The following MACO1 variants were observed in gnomAD, a reference collection of about 807,000 sequenced individuals.
The protein encoded by MACO1 is macoilin 1.
MACO1 carries 14 observed loss-of-function variants against 78.7 expected under a neutral mutation model. The observed-to-expected ratio is 0.18, with a 90% confidence interval of 0.12 to 0.28. MACO1 has a LOEUF of 0.28. Among genes scored for constraint, MACO1 ranks in the 10% least tolerant of loss-of-function variants. The pLI is 1.00. For missense variants in MACO1, 501 were observed against 799.0 expected (o/e 0.63, Z 4.50); for synonymous variants, 288 against 291.6 (o/e 0.99, Z 0.12).
intron 1 of MACO1, among the ~76,000 whole-genome samples, chr1:25,431,999 G>A (rs2042878558): frequency 1.3e-5 from 2 of 151,842 alleles, no homozygotes; most frequent in South Asian, 4.2e-4. Flanking sequence ...AAGACAACAG[G>A]TTCATGGGGC....
In MACO1 at chr1:25,485,501, C is replaced by A; in HGVS notation, c.1314-112C>A. The A allele has an allele frequency of 9.2e-7, 1 of 1,082,784 alleles. No homozygotes were observed. The highest frequency in any genetic ancestry group is 1.3e-6 in the Non-Finnish European group (1 of 763,298). 67.1% of individuals were successfully genotyped at this position (1,082,784 alleles called of 1,614,324 possible). A position where few individuals can be genotyped will look rare whatever the true frequency, so the allele number is the denominator to read the frequency against. On this transcript the variant is annotated intron_variant, in intron 7 of 10. Transcript: ENST00000374343. This position sits in a 1 kb window ranked among gnomAD's most constrained non-coding sequence, Gnocchi z 4.3. Reference sequence around the variant, plus strand: ...TCTGGGCATTGACATTTTTGATTTGCTGTTCAAACCTCCTGTTTAATTGGC... The same window carrying A: ...TCTGGGCATTGACATTTTTGATTTGATGTTCAAACCTCCTGTTTAATTGGC...
In MACO1 at chr1:25,434,229, T is replaced by C. The variant is rs571189079; in HGVS notation, c.80+3051T>C. 2.3e-3 allele frequency among the ~76,000 whole-genome samples: 348 copies of C among 152,260 alleles called. 1 individual carries two copies. The highest frequency in any genetic ancestry group is 8.0e-3 in the African/African-American group (334 of 41,540). On this transcript the variant is annotated intron_variant, in intron 1 of 10. Coordinates refer to ENST00000374343, the MANE Select transcript of MACO1 (RefSeq NM_018202.6). ...TTTTAGTCCAGTTAATAATTAAAAA[T>C]AGGAGAAAGGAAATAGGAATAGTGA... is the stretch of plus-strand genomic sequence containing the variant.
chr1:25,432,884 CA>C (rs2042888125), intron 1 of MACO1, among the ~76,000 whole-genome samples: 1 of 152,156 alleles, frequency 6.6e-6, no homozygotes, highest in Non-Finnish European at 1.5e-5. Context: ...TGTACTTGAA[CA>C]AATAGACCCA....
intron 8 of MACO1, among the ~76,000 whole-genome samples, chr1:25,487,484 T>C (rs1306660236): frequency 6.6e-6 from 1 of 152,194 alleles, no homozygotes; most frequent in Non-Finnish European, 1.5e-5. Flanking sequence ...TCTCAGGGCA[T>C]AAATCTCTGA....
At chr1:25,446,118 T>A (rs1557659858) in intron 1 of MACO1, among the ~76,000 whole-genome samples, 1 of 152,190 alleles carries the variant, frequency 6.6e-6, no homozygotes, top group Non-Finnish European at 1.5e-5. Context: ...ATGGCTTAGA[T>A]GTTTAAGGAG....
chr1:25,497,395 A>AG (rs2043547149), intron 10 of MACO1, among the ~76,000 whole-genome samples: 1 of 151,322 alleles, frequency 6.6e-6, no homozygotes, highest in East Asian at 1.9e-4. Context: ...AAAAAAAAAA[A>AG]GAATTTAGGA....
At chr1:25,471,849 T>C (rs2043274329) in intron 6 of MACO1, among the ~76,000 whole-genome samples, 1 of 152,228 alleles carries the variant, frequency 6.6e-6, no homozygotes, top group Non-Finnish European at 1.5e-5. Flanking sequence ...CCCCTTTTCT[T>C]GGTATTTCAC....
At chr1:25,436,361 G>T (rs1402463981) in intron 1 of MACO1, among the ~76,000 whole-genome samples, 1 of 152,112 alleles carries the variant, frequency 6.6e-6, no homozygotes, top group African/African-American at 2.4e-5. Flanking sequence ...TGTGGAGTTT[G>T]GAGGGCAAGT....
chr1:25,460,530 G>C (rs1393270893), intron 6 of MACO1, among the ~76,000 whole-genome samples: 2 of 151,474 alleles, frequency 1.3e-5, no homozygotes, highest in African/African-American at 4.9e-5. Context: ...TCATCCTCCT[G>C]TGTAGCTGGG....
chr1:25,453,462 G>A (rs1251691793), intron 3 of MACO1, among the ~76,000 whole-genome samples: 1 of 150,982 alleles, frequency 6.6e-6, no homozygotes, highest in Admixed American at 6.6e-5. Flanking sequence ...AGCAGATGGA[G>A]ACCATCCTGG....
chr1:25,471,379 A>C (rs146165076), intron 6 of MACO1, among the ~76,000 whole-genome samples: 1 of 151,982 alleles, frequency 6.6e-6, no homozygotes, highest in Non-Finnish European at 1.5e-5. Context: ...ATATGGGTAG[A>C]TATATTTCTC....
chr1:25,448,744 A>G lies in MACO1; in HGVS notation c.223-64A>G, dbSNP rs890454215. ...AATTTTGTCCAACATGTGTTTAACA[A>G]TGTGTGGTTGAAAATAACAGGTTCT... On this transcript the variant is annotated intron_variant, in intron 2 of 10. Transcript: ENST00000374343. 2.9e-6 allele frequency: 4 copies of G among 1,396,824 alleles called. No individual in the cohort carries two copies. In the African/African-American group the frequency reaches 4.2e-5, roughly 15 times the overall value. 86.5% of individuals were successfully genotyped at this position (1,396,824 alleles called of 1,614,324 possible). A position where few individuals can be genotyped will look rare whatever the true frequency, so the allele number is the denominator to read the frequency against.
At chr1:25,465,137 A>G (rs1188030266) in intron 6 of MACO1, among the ~76,000 whole-genome samples, 1 of 152,150 alleles carries the variant, frequency 6.6e-6, no homozygotes, top group Non-Finnish European at 1.5e-5. Context: ...TCCTGGCCTA[A>G]TAGCTCATTT....
intron 4 of MACO1, among the ~76,000 whole-genome samples, chr1:25,456,177 G>A (rs2043118284): frequency 6.6e-6 from 1 of 150,778 alleles, no homozygotes; most frequent in Non-Finnish European, 1.5e-5. Flanking sequence ...AGAATCACTT[G>A]AACCCGAGAG....
chr1:25,478,364 C>G (rs2043341313), intron 6 of MACO1, among the ~76,000 whole-genome samples: 1 of 152,146 alleles, frequency 6.6e-6, no homozygotes, highest in African/African-American at 2.4e-5. Flanking sequence ...AACTTCATTC[C>G]TTTGGTCAAT....
intron 6 of MACO1, 99 bp from the exon 7 acceptor site, chr1:25,484,017 T>C: frequency 3.2e-6 from 4 of 1,262,810 alleles, no homozygotes. Context: ...GGGTCCTTTT[T>C]CTGCCATTCA....
rs776177413 is a variant in MACO1, at chr1:25,483,632, C to T, written c.1155-484C>T. On this transcript the variant is annotated intron_variant, in intron 6 of 10. Transcript: ENST00000374343. ...CAAGGATGCTGCAATTTCTGGAGGT[C>T]GTCGCAGACCGTTTTCTTCTAGGCC... 4.6e-5 allele frequency among the ~76,000 whole-genome samples: 7 copies of T among 152,168 alleles called. No homozygotes were observed. In the East Asian group the frequency reaches 5.8e-4, roughly 13 times the overall value.
chr1:25,495,579 C>G (rs576663199), intron 10 of MACO1, among the ~76,000 whole-genome samples: 5 of 152,130 alleles, frequency 3.3e-5, no homozygotes, highest in Admixed American at 3.3e-4. Flanking sequence ...TCAGGATATT[C>G]TAATAAGAAC....
rs1182461023 is a variant in MACO1 at position 25,499,122 on chromosome 1, C to T, written c.*656C>T. ...TATATTCCCATCGGTGTGTTTAGTCCTAGAAAATTGCTAGCAGCAGTCTTC... is the reference window on the plus strand; with the variant it reads ...TATATTCCCATCGGTGTGTTTAGTCTTAGAAAATTGCTAGCAGCAGTCTTC... On this transcript the variant is annotated 3_prime_UTR_variant, in exon 11 of 11. Transcript: ENST00000374343. 1 of 152,172 alleles carries T rather than the reference C, an allele frequency of 6.6e-6. No individual in the cohort carries two copies. 9.4% of individuals were successfully genotyped at this position (152,172 alleles called of 1,614,324 possible).
Sources: allele counts gnomAD v4.1 joint callset (sites outside exome capture counted in the v4.1 genomes callset), GRCh38; gene constraint gnomAD v4.1.1; non-coding constraint Gnocchi (gnomAD v3.1); transcripts MANE v1.5; gene names NCBI Gene and HGNC (gene_info 2026-07-23, HGNC 2026-07-21).